The following NELL1 variants were observed in gnomAD, a reference collection of about 807,000 sequenced individuals.
NELL1 encodes neural EGFL like 1.
In NELL1, 76 loss-of-function variants were observed where a neutral mutation model predicts 107.4. That is an observed-to-expected ratio of 0.71 (90% CI 0.59 to 0.86). The LOEUF (loss-of-function observed/expected upper bound fraction) is 0.86, where lower values mean the gene tolerates loss of function less well. Among genes scored for constraint, NELL1 ranks in the 40% least tolerant of loss-of-function variants. The pLI is 0.00. For synonymous variants in NELL1, 353 were observed against 341.2 expected (o/e 1.03, Z -0.38); for missense variants, 1,024 against 1,005.5 (o/e 1.02, Z -0.25).
chr11:20,772,951 C>T (rs543924906), intron 2 of NELL1, among the ~76,000 whole-genome samples: 59 of 152,332 alleles, frequency 3.9e-4, no homozygotes, highest in Middle Eastern at 3.4e-3. Flanking sequence ...ATATAAAGTC[C>T]TTAGCTTGAC....
At chr11:21,158,124 C>T (rs1856284669) in intron 13 of NELL1, among the ~76,000 whole-genome samples, 1 of 152,192 alleles carries the variant, frequency 6.6e-6, no homozygotes. Flanking sequence ...ACACTAGATG[C>T]TTCCAGCCCT....
At chr11:21,124,644 C>G (rs1855449120) in intron 13 of NELL1, among the ~76,000 whole-genome samples, 1 of 151,622 alleles carries the variant, frequency 6.6e-6, no homozygotes, top group Admixed American at 6.6e-5. Flanking sequence ...TCTTGATGCC[C>G]AGGCTAGAGT....
chr11:21,251,632 A>T (rs1858640878), intron 14 of NELL1, among the ~76,000 whole-genome samples: 1 of 151,986 alleles, frequency 6.6e-6, no homozygotes, highest in Admixed American at 6.6e-5. Context: ...GGGACAAATG[A>T]TCAGGATGTA....
chr11:21,382,171 C>T (rs890999621), intron 15 of NELL1, among the ~76,000 whole-genome samples: 7 of 151,766 alleles, frequency 4.6e-5, no homozygotes, highest in African/African-American at 9.7e-5. Context: ...TTCTATTCTC[C>T]GATTCCACTA....
chr11:20,748,903 CCCAG>C (rs1182421825), intron 2 of NELL1, among the ~76,000 whole-genome samples: 2 of 43,360 alleles, frequency 4.6e-5, no homozygotes, highest in Middle Eastern at 0.016. Context: ...CATCCATCCA[CCCAG>C]CCACCCATCC....
chr11:21,527,125 C>G (rs1420152968), intron 15 of NELL1, among the ~76,000 whole-genome samples: 1 of 152,178 alleles, frequency 6.6e-6, no homozygotes. Flanking sequence ...TCATCTCTCT[C>G]AAGTTCAAAG....
chr11:20,924,935 A>G (rs1850458968), intron 7 of NELL1, among the ~76,000 whole-genome samples: 1 of 152,228 alleles, frequency 6.6e-6, no homozygotes, highest in Non-Finnish European at 1.5e-5. Flanking sequence ...AAAAAGTTAC[A>G]GAGAGTAAAA....
intron 3 of NELL1, among the ~76,000 whole-genome samples, chr11:20,787,291 G>T (rs888623688): frequency 9.2e-5 from 14 of 152,030 alleles, no homozygotes; most frequent in African/African-American, 3.4e-4. Context: ...TAGTAGAGAA[G>T]ATCTACTTAA....
intron 2 of NELL1, among the ~76,000 whole-genome samples, chr11:20,742,590 C>A (rs1211622853): frequency 6.6e-6 from 1 of 152,120 alleles, no homozygotes; most frequent in Non-Finnish European, 1.5e-5. Flanking sequence ...GAATGAGAAG[C>A]AAAGTCATGT....
intron 16 of NELL1, among the ~76,000 whole-genome samples, chr11:21,543,720 T>C (rs1038727508): frequency 6.6e-6 from 1 of 151,998 alleles, no homozygotes; most frequent in African/African-American, 2.4e-5. Context: ...GTGGGCTAAA[T>C]TGGATACATT....
intron 16 of NELL1, among the ~76,000 whole-genome samples, chr11:21,549,217 A>G (rs1856516646): frequency 6.6e-6 from 1 of 151,888 alleles, no homozygotes; most frequent in Admixed American, 6.6e-5. Flanking sequence ...TGTTGATACA[A>G]ACATTCTGAG....
intron 15 of NELL1, among the ~76,000 whole-genome samples, chr11:21,428,844 T>C (rs1564889164): frequency 6.6e-6 from 1 of 152,132 alleles, no homozygotes. Context: ...TTCTGGAAAG[T>C]GTGAAAGGCA....
chr11:20,726,405 AAG>A (rs1287526046), intron 2 of NELL1, among the ~76,000 whole-genome samples: 4 of 152,174 alleles, frequency 2.6e-5, no homozygotes, highest in Admixed American at 6.5e-5. Flanking sequence ...TCTCTGGACT[AAG>A]AAATACAATA....
At chr11:21,043,021 C>G (rs535596400) in intron 12 of NELL1, among the ~76,000 whole-genome samples, 1 of 152,140 alleles carries the variant, frequency 6.6e-6, no homozygotes, top group South Asian at 2.1e-4. Context: ...AATAAGCACA[C>G]TGAAAATTGC....
chr11:21,000,894 C>G (rs572831524), intron 12 of NELL1: 1 of 152,164 alleles, frequency 6.6e-6, no homozygotes, highest in South Asian at 2.1e-4. Flanking sequence ...CTACAGCACC[C>G]GGTATTCCCA....
chr11:21,214,977 C>T (rs985688804), intron 13 of NELL1, among the ~76,000 whole-genome samples: 45 of 152,102 alleles, frequency 3.0e-4, no homozygotes, highest in Non-Finnish European at 1.2e-4. Flanking sequence ...CAGTAACATG[C>T]TAATGTCAAT....
At chr11:21,038,522 G>A (rs1853149872) in intron 12 of NELL1, among the ~76,000 whole-genome samples, 1 of 152,176 alleles carries the variant, frequency 6.6e-6, no homozygotes, top group Non-Finnish European at 1.5e-5. Flanking sequence ...GGTAAACAGG[G>A]AAGGGTTAGC....
At position 21,105,226 on chromosome 11, in the gene NELL1, T is replaced by C. The variant is rs1429254776; in HGVS notation, c.1301-8363T>C. ...AGTGGGGTTAAGAGTGGAGGTTTAA[T>C]AGGCAAAAGAAAGAGAAAAGAGAAA... On this transcript the variant is annotated intron_variant, in intron 12 of 19. Transcript: ENST00000357134. 5.9e-5 allele frequency among the ~76,000 whole-genome samples: 9 copies of C among 151,974 alleles called. No homozygotes were observed. The East Asian group carries it at 1.2e-3, about 20-fold the overall frequency.
intron 2 of NELL1, among the ~76,000 whole-genome samples, chr11:20,741,284 C>A (rs2133934029): frequency 6.6e-6 from 1 of 152,146 alleles, no homozygotes; most frequent in East Asian, 1.9e-4. Flanking sequence ...ATCCACGTCC[C>A]AAATACAGAC....
Sources: allele counts gnomAD v4.1 joint callset (sites outside exome capture counted in the v4.1 genomes callset), GRCh38; gene constraint gnomAD v4.1.1; transcripts MANE v1.5; gene names NCBI Gene and HGNC (gene_info 2026-07-23, HGNC 2026-07-21).